Variants in MALRD1 observed in about 807,000 individuals in gnomAD.
MALRD1 encodes MAM and LDL-receptor class A domain-containing protein 1.
Under a neutral mutation model 242.1 loss-of-function variants are expected in MALRD1, and 247 were observed. That is an observed-to-expected ratio of 1.02 (90% CI 0.92 to 1.13). MALRD1 has a LOEUF of 1.13. Ranked by LOEUF, MALRD1 falls within the 50% of genes most tolerant of loss-of-function variation. The probability of loss-of-function intolerance (pLI) is 0.00; values close to 1 mark genes in which losing one functional copy is unlikely to be tolerated. For missense variants in MALRD1, 2,989 were observed against 2,533.1 expected (o/e 1.18, Z -3.86); for synonymous variants, 995 against 866.6 (o/e 1.15, Z -2.60).
At chr10:19,433,969 A>G (rs1419925707) in intron 28 of MALRD1, among the ~76,000 whole-genome samples, 3 of 152,176 alleles carry the variant, frequency 2.0e-5, no homozygotes, top group African/African-American at 4.8e-5. Flanking sequence ...TCTATCATAT[A>G]TAATATAAAT....
chr10:19,576,136 T>C (rs1316960719), intron 33 of MALRD1, among the ~76,000 whole-genome samples: 1 of 152,222 alleles, frequency 6.6e-6, no homozygotes, highest in African/African-American at 2.4e-5. Flanking sequence ...GTTGACAACA[T>C]TCAAGGGTAA....
intron 26 of MALRD1, among the ~76,000 whole-genome samples, chr10:19,355,404 T>TG (rs200926858): frequency 0.023 from 3,379 of 148,234 alleles, 46 homozygotes; most frequent in Non-Finnish European, 0.036. Context: ...AAAAGGTTAA[T>TG]TATATTAAAC....
chr10:19,531,309 C>T lies in MALRD1; in HGVS notation c.5436C>T (p.Phe1812=). The change falls in exon 32 of 40, where the codon TTC becomes TTT. Residue 1812 remains phenylalanine (F), a synonymous_variant. Coordinates refer to ENST00000454679, the MANE Select transcript of MALRD1 (RefSeq NM_001142308.3). ...PASLGMCTVR[F]WFYMIDPRSM... ...GCCTTGGAATGTGTACTGTTCGGTTCTGGTTCTACATGATTGATCCCAGGA... is the reference window on the plus strand; with the variant it reads ...GCCTTGGAATGTGTACTGTTCGGTTTTGGTTCTACATGATTGATCCCAGGA... 6.5e-7 allele frequency: 1 copy of T among 1,549,532 alleles called. No homozygotes were observed. The highest frequency in any genetic ancestry group is 1.2e-5 in the South Asian group (1 of 83,918).
intron 36 of MALRD1, among the ~76,000 whole-genome samples, chr10:19,680,568 G>A (rs879937552): frequency 1.5e-4 from 23 of 152,056 alleles, no homozygotes; most frequent in Middle Eastern, 3.2e-3. Flanking sequence ...GCAGCACACC[G>A]ATGGGTCTTG....
chr10:19,470,851 A>T (rs1486108877), intron 29 of MALRD1, among the ~76,000 whole-genome samples: 1 of 151,830 alleles, frequency 6.6e-6, no homozygotes, highest in African/African-American at 2.4e-5. Context: ...TATGATTCAC[A>T]AATATTTTCT....
At chr10:19,727,677 A>G (rs1225081401) in intron 38 of MALRD1, among the ~76,000 whole-genome samples, 4 of 152,184 alleles carry the variant, frequency 2.6e-5, no homozygotes, top group East Asian at 3.9e-4. Flanking sequence ...TAGAACCTCA[A>G]TTCTTACAAC....
intron 28 of MALRD1, among the ~76,000 whole-genome samples, chr10:19,407,418 G>A (rs1461140519): frequency 6.6e-6 from 1 of 152,062 alleles, no homozygotes; most frequent in East Asian, 1.9e-4. Flanking sequence ...GGAGTTCAAG[G>A]CTGCAGTGAG....
chr10:19,478,611 C>T (rs771304316), intron 29 of MALRD1, among the ~76,000 whole-genome samples: 8 of 151,638 alleles, frequency 5.3e-5, no homozygotes, highest in Non-Finnish European at 1.0e-4. Context: ...TTTTATATCT[C>T]GTACTAAGTT....
intron 38 of MALRD1, among the ~76,000 whole-genome samples, chr10:19,715,912 C>A (rs926475452): frequency 1.3e-5 from 2 of 152,144 alleles, no homozygotes; most frequent in African/African-American, 4.8e-5. Context: ...AGCACTAAGC[C>A]CTTCATGGGG....
chr10:19,466,399 A>C (rs1429100059), intron 29 of MALRD1, among the ~76,000 whole-genome samples: 4 of 152,164 alleles, frequency 2.6e-5, no homozygotes, highest in Non-Finnish European at 5.9e-5. Flanking sequence ...AAATTAAATA[A>C]ATATTATTCA....
At chr10:19,165,332 C>T (rs920159694) in intron 12 of MALRD1, among the ~76,000 whole-genome samples, 3 of 147,056 alleles carry the variant, frequency 2.0e-5, no homozygotes, top group Non-Finnish European at 4.5e-5. Context: ...TGGAGTCTCA[C>T]TCTTGTTGCC....
intron 2 of MALRD1, among the ~76,000 whole-genome samples, chr10:19,068,384 T>C (rs1835043638): frequency 6.6e-6 from 1 of 151,986 alleles, no homozygotes; most frequent in Non-Finnish European, 1.5e-5. Flanking sequence ...AACTGAGATG[T>C]TGTATAGGCA....
chr10:19,087,875 A>C lies in MALRD1; in HGVS notation c.376A>C (p.Ile126Leu). The change falls in exon 3 of 40, where the codon ATT becomes CTT. Residue 126 changes from isoleucine (I) to leucine (L), a missense_variant. Transcript: ENST00000454679. The stretch of plus-strand genomic sequence containing the variant: ...CTCACTGGTTTCCAGAGTGGATTCT[A>C]TTTCCTCAAGTTTAAGAAGCAGAGT... ...FLSLVSRVDS[I>L]SSSLRSRVFL... is the part of the protein sequence containing the mutation. 1 of 1,232,778 alleles carries C rather than the reference A, an allele frequency of 8.1e-7. No individual in the cohort carries two copies. Among genetic ancestry groups the C allele is most frequent in the Non-Finnish European group, 1.0e-6 (1 of 987,672 alleles). The allele number at this position is 1,232,778 out of a possible 1,614,324, so 76.4% of individuals were successfully genotyped here.
chr10:19,298,178 C>T lies in MALRD1; in HGVS notation c.3419+14997C>T, dbSNP rs977058010. On this transcript the variant is annotated intron_variant, in intron 21 of 39. Coordinates refer to ENST00000454679, the MANE Select transcript of MALRD1 (RefSeq NM_001142308.3). ...CAGAAAAGGCCAAAGGGGAAATGGG[C>T]ACATGGGAAGAAGGACCAAGCCTAA... Among the ~76,000 whole-genome samples, 4 of 151,876 alleles carry T rather than the reference C, an allele frequency of 2.6e-5. 1 individual carries two copies. Among genetic ancestry groups the T allele is most frequent in the African/African-American group, 7.3e-5 (3 of 41,314 alleles).
chr10:19,184,789 C>G (rs186546815), intron 14 of MALRD1, among the ~76,000 whole-genome samples: 173 of 152,264 alleles, frequency 1.1e-3, no homozygotes, highest in African/African-American at 3.9e-3. Flanking sequence ...CTCAGGTGAT[C>G]CACTCGCCTT....
chr10:19,407,708 A>G (rs1396890622), intron 28 of MALRD1, among the ~76,000 whole-genome samples: 2 of 152,206 alleles, frequency 1.3e-5, no homozygotes, highest in Non-Finnish European at 2.9e-5. Context: ...AAGGATTCCT[A>G]TGGATGTGGA....
chr10:19,247,133 T>C (rs1297988276), intron 18 of MALRD1, among the ~76,000 whole-genome samples: 1 of 152,110 alleles, frequency 6.6e-6, no homozygotes, highest in Non-Finnish European at 1.5e-5. Context: ...TAGGATCTCA[T>C]GAACTGAAGA....
intron 18 of MALRD1, among the ~76,000 whole-genome samples, chr10:19,250,023 T>C (rs1839232259): frequency 2.0e-5 from 3 of 151,942 alleles, no homozygotes; most frequent in Admixed American, 2.0e-4. Flanking sequence ...TATATTAAAA[T>C]AATAAATTAG....
At chr10:19,654,311 T>C (rs971994579) in intron 36 of MALRD1, among the ~76,000 whole-genome samples, 2 of 152,162 alleles carry the variant, frequency 1.3e-5, no homozygotes, top group Non-Finnish European at 2.9e-5. Flanking sequence ...TAGCATGTCT[T>C]ATTAACAAGA....
Sources: gnomAD v4.1 joint callset for allele counts (sites outside exome capture counted in the v4.1 genomes callset) on GRCh38, gnomAD v4.1.1 for gene constraint, MANE v1.5 for transcripts, NCBI Gene and HGNC (gene_info 2026-07-23, HGNC 2026-07-21) for gene names.